The following HECW2 variants were observed in gnomAD, a reference collection of about 807,000 sequenced individuals.
HECW2 encodes the protein HECT, C2 and WW domain containing E3 ubiquitin protein ligase 2.
HECW2 carries 61 observed loss-of-function variants against 175.2 expected under a neutral mutation model. That is an observed-to-expected ratio of 0.35 (90% CI 0.28 to 0.43). The LOEUF (loss-of-function observed/expected upper bound fraction) is 0.43. Ranked by LOEUF, HECW2 falls within the 20% of genes least tolerant of loss-of-function variation. The probability of loss-of-function intolerance (pLI) is 1.00; values close to 1 mark genes in which losing one functional copy is unlikely to be tolerated. For synonymous variants in HECW2, 671 were observed against 731.0 expected, an observed-to-expected ratio of 0.92 and a Z score of 1.32; for missense variants, 1,524 against 2,000.5, an observed-to-expected ratio of 0.76 and a Z score of 4.54.
chr2:196,546,820 C>CAA (rs35116760), intron 1 of HECW2, among the ~76,000 whole-genome samples: 1,456 of 106,438 alleles, frequency 0.014, 25 homozygotes, highest in African/African-American at 0.048. Context: ...AGAAGGACAG[C>CAA]AAAAAAAAAA....
At chr2:196,233,914 C>T (rs6740409) in intron 21 of HECW2, among the ~76,000 whole-genome samples, 26,917 of 152,094 alleles carry the variant, frequency 0.18, 3,879 homozygotes, top group African/African-American at 0.39. Flanking sequence ...AAGAAAACTC[C>T]TTCAGATCTC....
Position 196,303,162 on chromosome 2 carries a change from T to C in HECW2, c.2814+3326A>G, listed in dbSNP as rs78362777. Among the ~76,000 whole-genome samples the C allele has an allele frequency of 8.9e-4, 136 of 152,374 alleles. 2 individuals carry two copies. The highest frequency in any genetic ancestry group is 3.1e-3 in the African/African-American group (129 of 41,592). On this transcript the variant is annotated intron_variant, in intron 13 of 28. Transcript: ENST00000644978. Reference sequence around the variant, plus strand: ...TTATCGAAGGCCTTTTCTGCGTCTATTGAAATAATCATGTGGTTTCTGTCT... The same window carrying C: ...TTATCGAAGGCCTTTTCTGCGTCTACTGAAATAATCATGTGGTTTCTGTCT...
At chr2:196,588,410 A>G (rs1210212061) in intron 1 of HECW2, among the ~76,000 whole-genome samples, 1 of 152,250 alleles carries the variant, frequency 6.6e-6, no homozygotes, top group Admixed American at 6.5e-5. Context: ...AAAGAAAATG[A>G]TAAGCCATCA....
intron 26 of HECW2, among the ~76,000 whole-genome samples, chr2:196,218,735 T>C (rs931252699): frequency 6.6e-6 from 1 of 152,186 alleles, no homozygotes; most frequent in East Asian, 1.9e-4. Flanking sequence ...AAGAATGAGC[T>C]AATAATATTT....
In HECW2 at chr2:196,336,154, C is replaced by T. The variant is rs1027080253; in HGVS notation, c.401-1636G>A. 2.0e-5 allele frequency among the ~76,000 whole-genome samples: 3 copies of T among 152,288 alleles called. No homozygotes were observed. In the East Asian group the frequency reaches 5.8e-4, roughly 29 times the overall value. On this transcript the variant is annotated intron_variant, in intron 3 of 28. Transcript: ENST00000644978. ...GTTTGAAGAATGGCGAGATGACCTA[C>T]GCAGGAATTCTAGCTTTACTATTAC...
chr2:196,538,608 G>A (rs73989983), intron 1 of HECW2, among the ~76,000 whole-genome samples: 3,110 of 152,240 alleles, frequency 0.02, 98 homozygotes, highest in African/African-American at 0.069. Context: ...GACTTAACCA[G>A]TGCCCCTCTA....
At chr2:196,473,969 G>T (rs1697319921) in intron 1 of HECW2, among the ~76,000 whole-genome samples, 2 of 152,182 alleles carry the variant, frequency 1.3e-5, no homozygotes, top group Admixed American at 1.3e-4. Flanking sequence ...AATGCAGCGA[G>T]AATTTTTCTA....
chr2:196,514,214 G>C (rs1403573558), intron 1 of HECW2, among the ~76,000 whole-genome samples: 1 of 152,234 alleles, frequency 6.6e-6, no homozygotes. Context: ...TCAGAGCAAA[G>C]TTGTGGCCGA....
At chr2:196,368,975 A>G (rs1113321) in intron 2 of HECW2, among the ~76,000 whole-genome samples, 50,208 of 151,886 alleles carry the variant, frequency 0.33, 10,933 homozygotes, top group African/African-American at 0.62. Flanking sequence ...ATTGGTCACC[A>G]GTGTCTTATT....
chr2:196,426,878 T>C (rs1695563366), intron 2 of HECW2, among the ~76,000 whole-genome samples: 1 of 152,184 alleles, frequency 6.6e-6, no homozygotes, highest in South Asian at 2.1e-4. Context: ...GGTTTACTAT[T>C]GCAATCTTAC....
chr2:196,357,073 T>C (rs930054646), intron 2 of HECW2, among the ~76,000 whole-genome samples: 3 of 152,186 alleles, frequency 2.0e-5, no homozygotes, highest in Non-Finnish European at 4.4e-5. Context: ...TGACATGATC[T>C]GCATTAAAAA....
chr2:196,246,638 C>G (rs189851547), intron 19 of HECW2, among the ~76,000 whole-genome samples: 22 of 152,164 alleles, frequency 1.4e-4, no homozygotes, highest in Non-Finnish European at 2.8e-4. Flanking sequence ...GATCCACCCC[C>G]CTCAGCCTCC....
chr2:196,386,579 C>T (rs11896907), intron 2 of HECW2, among the ~76,000 whole-genome samples: 34,734 of 152,130 alleles, frequency 0.23, 4,692 homozygotes, highest in African/African-American at 0.38. Context: ...AAGCTGGGCA[C>T]TGCAAATTAG....
In HECW2 at chr2:196,370,576, C is replaced by T. The variant is rs142057585; in HGVS notation, c.293-26812G>A. Among the ~76,000 whole-genome samples the T allele has an allele frequency of 6.7e-3, 1,021 of 152,246 alleles. 15 individuals carry two copies. The highest frequency in any genetic ancestry group is 0.024 in the African/African-American group (979 of 41,532). On this transcript the variant is annotated intron_variant, in intron 2 of 28. Coordinates refer to ENST00000644978, the MANE Select transcript of HECW2 (RefSeq NM_001348768.2). The stretch of plus-strand genomic sequence containing the variant: ...CCCCCAAAGTCTACTGGCTCTAAGC[C>T]CAGCACAGCACCAGGACTTGCCCAG...
At chr2:196,306,168 C>CA (rs1691252604) in intron 13 of HECW2, among the ~76,000 whole-genome samples, 1 of 152,182 alleles carries the variant, frequency 6.6e-6, no homozygotes, top group Non-Finnish European at 1.5e-5. Context: ...GCTATCTACA[C>CA]ACAAGGAAAT....
intron 10 of HECW2, among the ~76,000 whole-genome samples, chr2:196,310,327 C>T (rs138842085): frequency 6.6e-6 from 1 of 152,306 alleles, no homozygotes; most frequent in African/African-American, 2.4e-5. Context: ...GATGTAATTA[C>T]TCAAGACCCC....
rs915896388 is a variant in HECW2, at chr2:196,362,131, C to T, written c.293-18367G>A. On this transcript the variant is annotated intron_variant, in intron 2 of 28. Transcript: ENST00000644978. ...GTCCAGTATGAATGACACTAAAAGC[C>T]ACTCCTGCCTTTCATCAAGACTTAT... 6.1e-6 allele frequency: 6 copies of T among 985,192 alleles called. No individual in the cohort carries two copies. In the African/African-American group the frequency reaches 1.0e-4, roughly 17 times the overall value. The allele number at this position is 985,192 out of a possible 1,614,324, so 61.0% of individuals were successfully genotyped here. A position where few individuals can be genotyped will look rare whatever the true frequency, so the allele number is the denominator to read the frequency against.
intron 16 of HECW2, 149 bp from the exon 17 acceptor site, chr2:196,271,438 C>T: frequency 1.7e-6 from 1 of 580,638 alleles, no homozygotes; most frequent in Non-Finnish European, 3.1e-6. Context: ...TGCCTGCCAC[C>T]ATGCTCAGCT....
intron 28 of HECW2, among the ~76,000 whole-genome samples, chr2:196,209,773 T>C (rs868038084): frequency 6.6e-5 from 10 of 151,306 alleles, no homozygotes; most frequent in South Asian, 6.3e-4. Flanking sequence ...TTCTTTTTTT[T>C]TTTTTTTTGA....
Sources: allele counts gnomAD v4.1 joint callset (sites outside exome capture counted in the v4.1 genomes callset), GRCh38; gene constraint gnomAD v4.1.1; transcripts MANE v1.5; gene names NCBI Gene and HGNC (gene_info 2026-07-23, HGNC 2026-07-21).